The following PASK variants were observed in gnomAD, a reference collection of about 807,000 sequenced individuals.
PASK encodes the protein PAS domain-containing serine/threonine-protein kinase.
A neutral mutation model predicts 121.0 loss-of-function variants in PASK; 110 were observed. That is an observed-to-expected ratio of 0.91 (90% CI 0.78 to 1.06). The LOEUF (loss-of-function observed/expected upper bound fraction) is 1.06. PASK is among the 50% of genes least tolerant of loss of function. The probability of loss-of-function intolerance (pLI) is 0.00; values close to 1 mark genes in which losing one functional copy is unlikely to be tolerated. For synonymous variants in PASK, 686 were observed against 717.8 expected (o/e 0.96, Z 0.71); for missense variants, 1,643 against 1,702.3 (o/e 0.97, Z 0.61).
chr2:241,109,953 A>G (rs2065039302), intron 15 of PASK, among the ~76,000 whole-genome samples: 2 of 152,262 alleles, frequency 1.3e-5, no homozygotes, highest in Admixed American at 1.3e-4. Flanking sequence ...GCACAGCTCC[A>G]TTCCAATAAA....
chr2:241,145,503 G>A lies in PASK; in HGVS notation c.-42-2429C>T, dbSNP rs143688007. Among the ~76,000 whole-genome samples, 598 of 152,208 alleles carry A rather than the reference G, an allele frequency of 3.9e-3. 3 individuals are homozygous for A. The highest frequency in any genetic ancestry group is 0.014 in the African/African-American group (578 of 41,522). On this transcript the variant is annotated intron_variant, in intron 1 of 17. Coordinates refer to ENST00000234040, the MANE Select transcript of PASK (RefSeq NM_015148.4). Reference sequence around the variant, plus strand: ...AAATCACTAAGTTTTTAGGAGAAAAGAGGCTATCTGTAAGACTTTGGGGTA... The same window carrying A: ...AAATCACTAAGTTTTTAGGAGAAAAAAGGCTATCTGTAAGACTTTGGGGTA...
In PASK at chr2:241,115,407, C is replaced by T. The variant is rs917008838; in HGVS notation, c.3079G>A (p.Val1027Met). The change falls in exon 13 of 18, where the codon GTG becomes ATG. Residue 1027 changes from valine to methionine, a missense_variant. Val to Met is a conservative substitution (Grantham distance 21). Around this residue, in one of 3 missense-constraint regions of PASK, gnomAD observed 453 missense variants for 511.2 expected, o/e 0.89. Coordinates refer to ENST00000234040, the MANE Select transcript of PASK (RefSeq NM_015148.4). Reference protein sequence around the residue: ...VDKEKNKEVVVKFIKKEKVLE... With the variant: ...VDKEKNKEVVMKFIKKEKVLE... ...ACCTTCTCCTTCTTAATAAACTTCA[C>T]CACCACCTGTGAGGAAGACAGAGCG... The T allele has an allele frequency of 3.1e-6, 5 of 1,613,808 alleles. No individual in the cohort carries two copies. Among genetic ancestry groups the T allele is most frequent in the Admixed American group, 1.7e-5 (1 of 60,012 alleles).
intron 5 of PASK, 49 bp downstream of exon 5, chr2:241,138,605 G>A (rs377212834): frequency 5.5e-5 from 88 of 1,608,428 alleles, no homozygotes; most frequent in African/African-American, 3.6e-4. Context: ...AGAGGAGAAC[G>A]ACGCCGGCTC....
intron 12 of PASK, among the ~76,000 whole-genome samples, chr2:241,121,296 TACTGA>T (rs1237379604): frequency 6.6e-6 from 1 of 152,240 alleles, no homozygotes; most frequent in African/African-American, 2.4e-5. Context: ...TACTAAAATC[TACTGA>T]ACTGTTCACT....
Position 241,108,586 on chromosome 2 carries a change from G to GGA in PASK, c.3534-288_3534-287dup, listed in dbSNP as rs2064982520. 1 of 487,560 alleles carries GGA rather than the reference G, an allele frequency of 2.1e-6. No homozygotes were observed. The highest frequency in any genetic ancestry group is 3.8e-6 in the Non-Finnish European group (1 of 265,024). The allele number at this position is 487,560 out of a possible 1,614,324, so 30.2% of individuals were successfully genotyped here. A position where few individuals can be genotyped will look rare whatever the true frequency, so the allele number is the denominator to read the frequency against. ...CCACAAGACGTGTCTACCAGAGGGG[G>GGA]GAGCGGGGGGAGGGCTTCCTGGAGG... On this transcript the variant is annotated intron_variant, in intron 15 of 17. Coordinates refer to ENST00000234040, the MANE Select transcript of PASK (RefSeq NM_015148.4). The surrounding 1 kb of genome is among the most constrained non-coding windows in gnomAD (Gnocchi z 5.2).
At chr2:241,146,681 T>C (rs2066971382) in intron 1 of PASK, among the ~76,000 whole-genome samples, 1 of 152,090 alleles carries the variant, frequency 6.6e-6, no homozygotes, top group Non-Finnish European at 1.5e-5. Flanking sequence ...TCTAAATAAG[T>C]AGTTCAGGGA....
In PASK at chr2:241,106,457, T is replaced by C; in HGVS notation, c.*109A>G. 1 of 1,134,486 alleles carries C rather than the reference T, an allele frequency of 8.8e-7. No homozygotes were observed. Among genetic ancestry groups the C allele is most frequent in the Non-Finnish European group, 1.3e-6 (1 of 748,112 alleles). The allele number at this position is 1,134,486 out of a possible 1,614,324, so 70.3% of individuals were successfully genotyped here. A position where few individuals can be genotyped will look rare whatever the true frequency, so the allele number is the denominator to read the frequency against. On this transcript the variant is annotated 3_prime_UTR_variant, in exon 18 of 18. Transcript: ENST00000234040. ...TTTATCAAACCTGCACATGAGTTTT[T>C]AGAAGGTGAATTGGGGATGCTTCAG...
chr2:241,140,145 C>A, intron 3 of PASK, 90 bp from the exon 4 acceptor site: 1 of 1,009,294 alleles, frequency 9.9e-7, no homozygotes, highest in South Asian at 1.4e-5. Context: ...ATGCAGAAGC[C>A]AGCCTTTTCC....
At chr2:241,150,102 T>C, upstream of PASK, 2 of 1,263,474 alleles carry the variant, frequency 1.6e-6, no homozygotes, top group South Asian at 4.4e-5. Context: ...AAGATCCGCC[T>C]GGCCCGCGGC....
At position 241,127,277 on chromosome 2, in the gene PASK, G is replaced by C; in HGVS notation, c.1638C>G (p.Cys546Trp). 1.9e-6 allele frequency: 3 copies of C among 1,614,192 alleles called. No homozygotes were observed. The highest frequency in any genetic ancestry group is 1.7e-6 in the Non-Finnish European group (2 of 1,180,010). The change falls in exon 10 of 18, where the codon TGC becomes TGG. Residue 546 changes from cysteine to tryptophan, a missense_variant. By Grantham distance (215) the Cys-to-Trp change is radical. Around this residue, in one of 3 missense-constraint regions of PASK, gnomAD observed 1,176 missense variants for 1,162.2 expected, o/e 1.01. Coordinates refer to ENST00000234040, the MANE Select transcript of PASK (RefSeq NM_015148.4). ...CTGGGACTGGAGCTTCAGAATCTTC[G>C]CAGGAAGCAAATGGCTTCACATCCA... ...EPVDVKPFAS[C>W]EDSEAPVPAE...
chr2:241,129,792 C>G (rs1185556889), intron 9 of PASK, among the ~76,000 whole-genome samples: 1 of 152,176 alleles, frequency 6.6e-6, no homozygotes, highest in Non-Finnish European at 1.5e-5. Context: ...TGCACACAGG[C>G]CTTGAGCTGC....
chr2:241,127,133 C>G lies in PASK; in HGVS notation c.1782G>C (p.Lys594Asn). The G allele has an allele frequency of 6.2e-6, 10 of 1,614,064 alleles. No individual in the cohort carries two copies. The highest frequency in any genetic ancestry group is 8.5e-6 in the Non-Finnish European group (10 of 1,180,008). Reference protein sequence around the residue: ...SDLWAGAAVAKPQAKGQLAGG... With the variant: ...SDLWAGAAVANPQAKGQLAGG... ...CCGCCAGCTGACCCTTGGCCTGGGG[C>G]TTGGCCACGGCAGCCCCAGCCCAAA... is the stretch of plus-strand genomic sequence containing the variant. Residue 594 changes from lysine to asparagine, a missense_variant, in exon 10 of 18, where the codon AAG becomes AAC. Physicochemically the swap from Lys to Asn is moderately conservative, Grantham distance 94 (BLOSUM62 0). Around this residue, in one of 3 missense-constraint regions of PASK, gnomAD observed 1,176 missense variants for 1,162.2 expected, o/e 1.01. Transcript: ENST00000234040.
At chr2:241,145,452 T>C (rs2066909880) in intron 1 of PASK, among the ~76,000 whole-genome samples, 1 of 152,088 alleles carries the variant, frequency 6.6e-6, no homozygotes, top group Non-Finnish European at 1.5e-5. Flanking sequence ...AAGCGAGACC[T>C]GTCAAACCAA....
intron 9 of PASK, among the ~76,000 whole-genome samples, chr2:241,129,144 T>C (rs1452344470): frequency 2.0e-5 from 3 of 152,022 alleles, no homozygotes; most frequent in African/African-American, 7.2e-5. Context: ...TCCTGCAGGA[T>C]CAGGTAAGAC....
intron 12 of PASK, among the ~76,000 whole-genome samples, chr2:241,117,127 G>T (rs1413027658): frequency 6.6e-6 from 1 of 152,068 alleles, no homozygotes; most frequent in Non-Finnish European, 1.5e-5. Context: ...GGGCATCGGG[G>T]CCAGGGCGGG....
chr2:241,117,526 A>G (rs958182409), intron 12 of PASK, among the ~76,000 whole-genome samples: 1 of 152,240 alleles, frequency 6.6e-6, no homozygotes, highest in East Asian at 1.9e-4. Flanking sequence ...AGGAGGGAGA[A>G]GGAAAGAATT....
chr2:241,115,305 G>C lies in PASK; in HGVS notation c.3181C>G (p.His1061Asp), dbSNP rs149867394. 8.7e-6 allele frequency: 14 copies of C among 1,613,882 alleles called. No individual in the cohort carries two copies. The African/African-American group carries it at 1.9e-4, about 22-fold the overall frequency. Residue 1061 changes from histidine (H) to aspartate (D), a missense_variant, in exon 13 of 18, where the codon CAC becomes GAC. By Grantham distance (81) the His-to-Asp change is moderately conservative. Transcript: ENST00000234040. ...LEIAILSRVEHANIIKVLDIF... is the reference protein window; with the variant it reads ...LEIAILSRVEDANIIKVLDIF... ...ACCATCACCTTGATGATATTGGCGT[G>C]CTCCACCCTGGATAGAATTGCGATC...
chr2:241,138,200 C>T lies in PASK; in HGVS notation c.742-113G>A, dbSNP rs542705374. On this transcript the variant is annotated intron_variant, in intron 5 of 17. Transcript: ENST00000234040. ...CAAGACCCCAACATGACTTCTCCATCGGAAGGGCAAGAGACATATACACAT... is the reference window on the plus strand; with the variant it reads ...CAAGACCCCAACATGACTTCTCCATTGGAAGGGCAAGAGACATATACACAT... 79 of 1,081,364 alleles carry T rather than the reference C, an allele frequency of 7.3e-5. No individual in the cohort carries two copies. The African/African-American group carries it at 1.1e-3, about 15-fold the overall frequency. The allele number at this position is 1,081,364 out of a possible 1,614,324, so 67.0% of individuals were successfully genotyped here. A position where few individuals can be genotyped will look rare whatever the true frequency, so the allele number is the denominator to read the frequency against.
intron 12 of PASK, among the ~76,000 whole-genome samples, chr2:241,116,789 G>A (rs1277555609): frequency 6.6e-6 from 1 of 152,248 alleles, no homozygotes; most frequent in East Asian, 1.9e-4. Flanking sequence ...GCACGCAGCT[G>A]AAGGAGCGAT....
Sources: allele counts gnomAD v4.1 joint callset (sites outside exome capture counted in the v4.1 genomes callset), GRCh38; gene constraint gnomAD v4.1.1; regional missense constraint gnomAD v4.1.1; non-coding constraint Gnocchi (gnomAD v3.1); transcripts MANE v1.5; gene names NCBI Gene and HGNC (gene_info 2026-07-23, HGNC 2026-07-21).